RASSF8: variants seen among roughly 807,000 people sequenced by gnomAD.
The protein encoded by RASSF8 is Ras association domain family member 8.
A neutral mutation model predicts 48.5 loss-of-function variants in RASSF8; 22 were observed. The ratio of observed to expected loss-of-function variants is 0.45; its 90% CI spans 0.32 to 0.65. The LOEUF (loss-of-function observed/expected upper bound fraction) is 0.65, where lower values mean the gene tolerates loss of function less well. Ranked by LOEUF, RASSF8 falls within the 30% of genes least tolerant of loss-of-function variation. The pLI is 0.03. For missense variants in RASSF8, 418 were observed against 489.2 expected, an observed-to-expected ratio of 0.85 and a Z score of 1.37; for synonymous variants, 127 against 171.5, an observed-to-expected ratio of 0.74 and a Z score of 2.03.
At chr12:25,960,020 C>T (rs1941192838) in intron 1 of RASSF8, among the ~76,000 whole-genome samples, 1 of 151,846 alleles carries the variant, frequency 6.6e-6, no homozygotes, top group Non-Finnish European at 1.5e-5. Flanking sequence ...CAGGTTAGCC[C>T]TGTCAGGTTA....
At chr12:26,012,180 C>T (rs1942542484) in intron 2 of RASSF8, among the ~76,000 whole-genome samples, 1 of 152,178 alleles carries the variant, frequency 6.6e-6, no homozygotes, top group Non-Finnish European at 1.5e-5. Context: ...TTTATAACTG[C>T]TCTGTGCTGA....
At chr12:26,010,997 A>G (rs1235842816) in intron 2 of RASSF8, among the ~76,000 whole-genome samples, 1 of 152,134 alleles carries the variant, frequency 6.6e-6, no homozygotes, top group Non-Finnish European at 1.5e-5. Context: ...TGGAATCCAA[A>G]AGTGATAGAT....
chr12:25,977,470 A>G (rs372495329), intron 1 of RASSF8, among the ~76,000 whole-genome samples: 1 of 152,130 alleles, frequency 6.6e-6, no homozygotes, highest in Admixed American at 6.5e-5. Flanking sequence ...TTTCATTTAT[A>G]TGATTATTTT....
At chr12:25,980,671 A>C (rs1456587214) in intron 1 of RASSF8, among the ~76,000 whole-genome samples, 2 of 152,146 alleles carry the variant, frequency 1.3e-5, no homozygotes, top group Admixed American at 6.6e-5. Flanking sequence ...ACTAAGTTCT[A>C]AGTCCTATGA....
intron 1 of RASSF8, among the ~76,000 whole-genome samples, chr12:25,964,041 C>A (rs76582479): frequency 0.056 from 8,464 of 152,220 alleles, 349 homozygotes; most frequent in African/African-American, 0.12. Flanking sequence ...AGGGGCACAC[C>A]AGGTGATTTG....
At chr12:26,020,478 A>G (rs1457142008) in intron 2 of RASSF8, 2 of 152,216 alleles carry the variant, frequency 1.3e-5, no homozygotes, top group Non-Finnish European at 2.9e-5. Context: ...TTGTAAATAT[A>G]AAATAAACCA....
intron 2 of RASSF8, among the ~76,000 whole-genome samples, chr12:26,021,812 A>C (rs1000699616): frequency 1.3e-5 from 2 of 152,190 alleles, no homozygotes; most frequent in African/African-American, 4.8e-5. Context: ...AGCAGTCTGT[A>C]AGAACAGAGA....
downstream of RASSF8, among the ~76,000 whole-genome samples, chr12:26,076,304 T>G (rs890750934): frequency 1.3e-5 from 2 of 152,034 alleles, no homozygotes; most frequent in Non-Finnish European, 2.9e-5. Flanking sequence ...CTAGGGTACA[T>G]GTGCACAACG....
rs1412102169 is a variant in RASSF8 at position 26,065,073 on chromosome 12, G to GA, written c.683dup (p.Asn228LysfsTer2). 1 of 1,613,964 alleles carries GA rather than the reference G, an allele frequency of 6.2e-7. No homozygotes were observed. Among genetic ancestry groups the GA allele is most frequent in the Non-Finnish European group, 8.5e-7 (1 of 1,179,904 alleles). On this transcript the variant is annotated frameshift_variant, in exon 4 of 6. Coordinates refer to ENST00000689635, the MANE Select transcript of RASSF8 (RefSeq NM_001394098.1). LOFTEE classifies it high-confidence loss of function. ...AGAAATTGAGGAGGAAGAATTCTGG[G>GA]AAAATGAATTACAGATTGAACAGGA...
At chr12:26,039,696 CTAA>C (rs1317529901) in intron 2 of RASSF8, among the ~76,000 whole-genome samples, 1 of 152,132 alleles carries the variant, frequency 6.6e-6, no homozygotes, top group East Asian at 1.9e-4. Context: ...ATTGATTTTT[CTAA>C]TAATATGAAT....
At chr12:26,050,029 C>T (rs553780563) in intron 2 of RASSF8, among the ~76,000 whole-genome samples, 5 of 152,014 alleles carry the variant, frequency 3.3e-5, no homozygotes, top group African/African-American at 9.7e-5. Context: ...GTGATCTGCC[C>T]GCCTCGGCCT....
intron 2 of RASSF8, among the ~76,000 whole-genome samples, chr12:26,042,126 G>A (rs1358690467): frequency 6.6e-6 from 1 of 152,166 alleles, no homozygotes; most frequent in Non-Finnish European, 1.5e-5. Flanking sequence ...TATTTATCCA[G>A]TTAAAGGGGA....
chr12:26,026,615 T>C (rs943086618), intron 2 of RASSF8, among the ~76,000 whole-genome samples: 9 of 152,152 alleles, frequency 5.9e-5, no homozygotes, highest in African/African-American at 2.2e-4. Flanking sequence ...TTTATATTTT[T>C]AGTTGGGACA....
At chr12:25,964,499 T>G (rs1157305008) in intron 1 of RASSF8, among the ~76,000 whole-genome samples, 1 of 152,214 alleles carries the variant, frequency 6.6e-6, no homozygotes, top group Non-Finnish European at 1.5e-5. Flanking sequence ...GTAGGTAATA[T>G]ATTTTGTCAC....
intron 4 of RASSF8, among the ~76,000 whole-genome samples, chr12:26,066,875 C>T (rs1040581005): frequency 1.3e-5 from 2 of 152,110 alleles, no homozygotes; most frequent in Admixed American, 6.5e-5. Flanking sequence ...AATAGGATGC[C>T]CCTCCTTGCT....
At chr12:26,075,420 C>A (rs1450211700), downstream of RASSF8, among the ~76,000 whole-genome samples, 1 of 152,184 alleles carries the variant, frequency 6.6e-6, no homozygotes, top group Non-Finnish European at 1.5e-5. Flanking sequence ...TTGCAGTGTT[C>A]CCTGTGAGAA....
intron 1 of RASSF8, among the ~76,000 whole-genome samples, chr12:25,980,789 T>TA (rs1397719812): frequency 4.6e-5 from 7 of 152,026 alleles, no homozygotes; most frequent in Non-Finnish European, 5.9e-5. Context: ...TCACTCTAAT[T>TA]AAAAAAAATT....
chr12:25,985,089 C>T (rs751015885), intron 1 of RASSF8, among the ~76,000 whole-genome samples: 21 of 152,128 alleles, frequency 1.4e-4, no homozygotes, highest in Non-Finnish European at 2.9e-4. Flanking sequence ...GGTTTTGACT[C>T]CCCTGGATTG....
chr12:26,055,567 G>A (rs1943584495), intron 3 of RASSF8, 121 bp downstream of exon 3: 1 of 837,360 alleles, frequency 1.2e-6, no homozygotes, highest in Non-Finnish European at 2.0e-6. Context: ...AAGTCTCACA[G>A]GCACTCTTGT....
Sources: gnomAD v4.1 joint callset for allele counts (sites outside exome capture counted in the v4.1 genomes callset) on GRCh38, gnomAD v4.1.1 for gene constraint, MANE v1.5 for transcripts, NCBI Gene and HGNC (gene_info 2026-07-23, HGNC 2026-07-21) for gene names.